Variants in SGCD observed in about 807,000 individuals in gnomAD.
The protein encoded by SGCD is delta-sarcoglycan.
A neutral mutation model predicts 36.6 loss-of-function variants in SGCD; 18 were observed. The observed-to-expected ratio is 0.49, with a 90% CI of 0.34 to 0.73. SGCD has a LOEUF of 0.73. Among genes scored for constraint, SGCD ranks in the 30% least tolerant of loss-of-function variants. The pLI is 0.01. For missense variants in SGCD, 387 were observed against 346.7 expected, an observed-to-expected ratio of 1.12 and a Z score of -0.92; for synonymous variants, 133 against 130.6, an observed-to-expected ratio of 1.02 and a Z score of -0.12.
chr5:155,954,639 T>C (rs1386583107), intron 1 of SGCD, among the ~76,000 whole-genome samples: 7 of 151,786 alleles, frequency 4.6e-5, no homozygotes, highest in Admixed American at 6.6e-5. Context: ...GTTCTTTTGA[T>C]AGAGGTAGCC....
intron 1 of SGCD, among the ~76,000 whole-genome samples, chr5:156,113,527 G>C (rs1761840001): frequency 6.6e-6 from 1 of 152,126 alleles, no homozygotes; most frequent in Non-Finnish European, 1.5e-5. Context: ...AATATCGTTT[G>C]TGTGTGATTT....
At chr5:155,887,160 C>A (rs550771921) in intron 1 of SGCD, among the ~76,000 whole-genome samples, 1 of 152,194 alleles carries the variant, frequency 6.6e-6, no homozygotes, top group Non-Finnish European at 1.5e-5. Context: ...CTGCTTCACA[C>A]AGGGATTGCT....
intron 3 of SGCD, among the ~76,000 whole-genome samples, chr5:156,241,434 G>A (rs755097736): frequency 2.0e-5 from 3 of 152,162 alleles, no homozygotes; most frequent in Non-Finnish European, 2.9e-5. Flanking sequence ...TTTCTCTCCT[G>A]ATGACTTTGG....
At chr5:155,903,592 G>A (rs562040253) in intron 1 of SGCD, among the ~76,000 whole-genome samples, 3 of 152,190 alleles carry the variant, frequency 2.0e-5, no homozygotes, top group East Asian at 3.9e-4. Context: ...TTGTGGAAGG[G>A]ACTCTGACTG....
chr5:156,680,897 C>T (rs1400639984), intron 7 of SGCD, among the ~76,000 whole-genome samples: 2 of 152,158 alleles, frequency 1.3e-5, no homozygotes, highest in Non-Finnish European at 2.9e-5. Context: ...TGGAGTGACT[C>T]GTTTCACTCA....
chr5:156,575,949 A>G (rs1243256126), intron 4 of SGCD, among the ~76,000 whole-genome samples: 3 of 152,128 alleles, frequency 2.0e-5, no homozygotes, highest in Non-Finnish European at 4.4e-5. Flanking sequence ...TAATACTTTA[A>G]GTTCTAGGGT....
At chr5:155,768,222 A>G in the SGCD span, among the ~76,000 whole-genome samples, 1 of 151,686 alleles carries the variant, frequency 6.6e-6, no homozygotes, top group African/African-American at 2.4e-5. Flanking sequence ...ATTTTATGAG[A>G]TGCAGTGAGA....
intron 3 of SGCD, among the ~76,000 whole-genome samples, chr5:156,392,121 A>G (rs532096825): frequency 6.6e-6 from 1 of 152,328 alleles, no homozygotes; most frequent in Non-Finnish European, 1.5e-5. Flanking sequence ...TTCAGACTCT[A>G]AGACATTTGC....
intron 3 of SGCD, among the ~76,000 whole-genome samples, chr5:156,422,194 A>G (rs150438191): frequency 1.3e-5 from 2 of 152,036 alleles, no homozygotes; most frequent in East Asian, 1.9e-4. Context: ...GCAGGAGCTT[A>G]ATAAAAATAA....
chr5:156,501,174 C>T (rs1269802353), intron 3 of SGCD, among the ~76,000 whole-genome samples: 2 of 152,202 alleles, frequency 1.3e-5, no homozygotes, highest in South Asian at 4.1e-4. Context: ...CTTTTGTCTA[C>T]TGCCCCCCAC....
intron 3 of SGCD, among the ~76,000 whole-genome samples, chr5:156,264,069 G>A (rs1309359692): frequency 6.6e-6 from 1 of 152,032 alleles, no homozygotes; most frequent in Non-Finnish European, 1.5e-5. Context: ...AAGAAAAGAG[G>A]ATAGTTAGGA....
intron 3 of SGCD, among the ~76,000 whole-genome samples, chr5:156,286,542 G>T (rs1446198150): frequency 6.6e-6 from 1 of 152,174 alleles, no homozygotes; most frequent in Non-Finnish European, 1.5e-5. Flanking sequence ...GATGAAACTG[G>T]AAACCATCAT....
chr5:155,944,235 A>T (rs558012505), intron 1 of SGCD, among the ~76,000 whole-genome samples: 1 of 152,182 alleles, frequency 6.6e-6, no homozygotes, highest in African/African-American at 2.4e-5. Context: ...GTAAATTAAG[A>T]TCAAACCAAA....
chr5:156,334,609 C>CTTTTTTTTTTTTTTTTT (rs35767339), intron 2 of SGCD, among the ~76,000 whole-genome samples: 63 of 105,076 alleles, frequency 6.0e-4, no homozygotes, highest in Non-Finnish European at 8.5e-4. Context: ...GGTCTATTTT[C>CTTTTTTTTTTTTTTTTT]TTTTTTTTTT....
In SGCD at chr5:156,005,845, T is replaced by C. The variant is rs150413455; in HGVS notation, c.-281-112033T>C. Among the ~76,000 whole-genome samples, 38 of 152,336 alleles carry C rather than the reference T, an allele frequency of 2.5e-4. No individual in the cohort carries two copies. In the East Asian group the frequency reaches 7.3e-3, roughly 29 times the overall value. On this transcript the variant is annotated intron_variant, in intron 1 of 9. Coordinates refer to the SGCD transcript ENST00000517913. ...TTGCGTTCACAGTCCCACAAGCTTC[T>C]GTAGGTGGCAACCCTCTGATATTTT...
At chr5:156,243,832 A>G (rs564582402) in intron 3 of SGCD, among the ~76,000 whole-genome samples, 1 of 152,306 alleles carries the variant, frequency 6.6e-6, no homozygotes, top group South Asian at 2.1e-4. Flanking sequence ...AGTTCAGAGA[A>G]ACTTGCACTG....
intron 3 of SGCD, among the ~76,000 whole-genome samples, chr5:156,453,875 C>T (rs1316539639): frequency 1.3e-5 from 2 of 152,152 alleles, no homozygotes; most frequent in Non-Finnish European, 2.9e-5. Flanking sequence ...AAGAGTATAA[C>T]TTTATTTGTA....
chr5:156,408,461 C>T (rs991391864), intron 3 of SGCD, among the ~76,000 whole-genome samples: 12 of 151,530 alleles, frequency 7.9e-5, no homozygotes, highest in East Asian at 1.9e-4. Flanking sequence ...TGGGTTCAAG[C>T]GATTCTCCTG....
intron 3 of SGCD, among the ~76,000 whole-genome samples, chr5:156,204,401 G>A (rs1323567489): frequency 6.6e-6 from 1 of 151,774 alleles, no homozygotes; most frequent in African/African-American, 2.4e-5. Flanking sequence ...AGTATGGTGG[G>A]TGATACAAAT....
Sources: gnomAD v4.1 joint callset for allele counts (sites outside exome capture counted in the v4.1 genomes callset) on GRCh38, gnomAD v4.1.1 for gene constraint, MANE v1.5 for transcripts, NCBI Gene and HGNC (gene_info 2026-07-23, HGNC 2026-07-21) for gene names.